Variants in NRXN3 observed in about 807,000 individuals in gnomAD.
The protein encoded by NRXN3 is neurexin III.
NRXN3 carries 32 observed loss-of-function variants against 137.6 expected under a neutral mutation model. The observed-to-expected ratio is 0.23, with a 90% CI of 0.18 to 0.31. NRXN3 has a LOEUF of 0.31. Among genes scored for constraint, NRXN3 ranks in the 10% least tolerant of loss-of-function variants. The pLI is 1.00. For synonymous variants in NRXN3, 798 were observed against 784.5 expected (o/e 1.02, Z -0.29); for missense variants, 1,574 against 2,062.5 (o/e 0.76, Z 4.59).
chr14:79,503,002 T>A (rs1242577050), intron 16 of NRXN3, among the ~76,000 whole-genome samples: 2 of 152,150 alleles, frequency 1.3e-5, no homozygotes, highest in Non-Finnish European at 2.9e-5. Flanking sequence ...CCAAGTGACG[T>A]GGCATTCAGG....
intron 4 of NRXN3, among the ~76,000 whole-genome samples, chr14:78,336,195 C>A (rs535174576): frequency 2.6e-5 from 4 of 152,128 alleles, no homozygotes; most frequent in Non-Finnish European, 5.9e-5. Context: ...CTAGAGACCA[C>A]GCTTTAAAGA....
At chr14:78,171,754 T>G (rs1019023886) in intron 1 of NRXN3, among the ~76,000 whole-genome samples, 1 of 151,684 alleles carries the variant, frequency 6.6e-6, no homozygotes, top group African/African-American at 2.4e-5. Flanking sequence ...AAAATAAAAT[T>G]TTCCCTTCCT....
At chr14:78,278,013 C>A (rs1423191352) in intron 2 of NRXN3, among the ~76,000 whole-genome samples, 1 of 152,184 alleles carries the variant, frequency 6.6e-6, no homozygotes, top group East Asian at 1.9e-4. Flanking sequence ...TACTCACACA[C>A]AATCTCATGC....
chr14:78,896,776 G>A (rs1471543594), intron 10 of NRXN3, among the ~76,000 whole-genome samples: 2 of 151,866 alleles, frequency 1.3e-5, no homozygotes, highest in African/African-American at 2.4e-5. Context: ...GGAACATTAT[G>A]GGCAGAGCAA....
At chr14:78,820,080 A>G (rs1443923650) in intron 10 of NRXN3, among the ~76,000 whole-genome samples, 1 of 151,880 alleles carries the variant, frequency 6.6e-6, no homozygotes, top group African/African-American at 2.4e-5. Context: ...TAACCGTTTG[A>G]CCTCTATGCG....
intron 15 of NRXN3, among the ~76,000 whole-genome samples, chr14:79,220,404 A>G (rs941325718): frequency 1.2e-4 from 19 of 152,318 alleles, no homozygotes; most frequent in African/African-American, 3.4e-4. Flanking sequence ...CCCCATCAGG[A>G]GCATTCCATG....
intron 10 of NRXN3, among the ~76,000 whole-genome samples, chr14:78,920,386 T>A (rs1210581666): frequency 1.3e-5 from 2 of 152,202 alleles, no homozygotes; most frequent in Non-Finnish European, 2.9e-5. Context: ...AAATTTTTAT[T>A]TTAGTTTTAC....
At chr14:78,775,774 A>T (rs2098743072) in intron 8 of NRXN3, among the ~76,000 whole-genome samples, 1 of 152,176 alleles carries the variant, frequency 6.6e-6, no homozygotes, top group Non-Finnish European at 1.5e-5. Flanking sequence ...TGATATCTGT[A>T]TTTTAAAATA....
chr14:79,213,950 C>T (rs1008645741), intron 15 of NRXN3, among the ~76,000 whole-genome samples: 9 of 152,146 alleles, frequency 5.9e-5, no homozygotes, highest in African/African-American at 9.7e-5. Context: ...GTCATACAGA[C>T]GTGTTTTTAT....
At chr14:79,383,362 C>T (rs982889575) in intron 15 of NRXN3, among the ~76,000 whole-genome samples, 2 of 152,142 alleles carry the variant, frequency 1.3e-5, no homozygotes, top group Non-Finnish European at 2.9e-5. Context: ...CAAACCTACA[C>T]ACCCTCTTCT....
Position 79,864,920 on chromosome 14 carries a change from T to G in NRXN3, c.*2956T>G, listed in dbSNP as rs1456047543. 1 of 151,776 alleles carries G rather than the reference T, an allele frequency of 6.6e-6. No individual in the cohort carries two copies. Among genetic ancestry groups the G allele is most frequent in the African/African-American group, 2.4e-5 (1 of 41,236 alleles). 9.4% of individuals were successfully genotyped at this position (151,776 alleles called of 1,614,324 possible). A position where few individuals can be genotyped will look rare whatever the true frequency, so the allele number is the denominator to read the frequency against. The stretch of plus-strand genomic sequence containing the variant: ...GTGCCCGCCACCACGCCCGGCTAAT[T>G]TTTTGTATTTTTCGTAGAGACGGGG... On this transcript the variant is annotated 3_prime_UTR_variant, in exon 21 of 21. Coordinates refer to ENST00000335750, the MANE Select transcript of NRXN3 (RefSeq NM_001330195.2).
At chr14:78,432,440 C>T (rs1211833414) in intron 4 of NRXN3, among the ~76,000 whole-genome samples, 2 of 152,106 alleles carry the variant, frequency 1.3e-5, no homozygotes, top group Non-Finnish European at 2.9e-5. Context: ...TCAAGCTGTT[C>T]AGCATTGGCT....
intron 16 of NRXN3, among the ~76,000 whole-genome samples, chr14:79,639,564 G>GTGAAGGGT (rs1284508475): frequency 1.9e-4 from 29 of 152,156 alleles, no homozygotes; most frequent in African/African-American, 6.7e-4. Context: ...AATGAATTCA[G>GTGAAGGGT]TGAAGGGTTG....
rs188112624 is a variant in NRXN3, at chr14:79,540,286, G to A, written c.3444+72884G>A. Among the ~76,000 whole-genome samples the A allele has an allele frequency of 3.9e-3, 336 of 86,374 alleles. 13 individuals are homozygous for A. Among genetic ancestry groups the A allele is most frequent in the Admixed American group, 0.032 (335 of 10,398 alleles). 56.7% of individuals were successfully genotyped at this position (86,374 alleles called of 152,430 possible). On this transcript the variant is annotated intron_variant, in intron 16 of 20. Transcript: ENST00000335750. The stretch of plus-strand genomic sequence containing the variant: ...ATTATGCATATAAATATTTTCTTAA[G>A]TTTTGTTTTTAATTAACACATAATA...
chr14:78,345,490 C>T (rs574195706), intron 4 of NRXN3, among the ~76,000 whole-genome samples: 1 of 152,280 alleles, frequency 6.6e-6, no homozygotes, highest in Admixed American at 6.5e-5. Flanking sequence ...TAAGTGGTAG[C>T]AGCTGCAGAA....
chr14:79,466,048 T>C (rs541167441), intron 15 of NRXN3, among the ~76,000 whole-genome samples: 1 of 152,340 alleles, frequency 6.6e-6, no homozygotes, highest in African/African-American at 2.4e-5. Flanking sequence ...TAAATTAATA[T>C]ATTCTTAGTA....
intron 16 of NRXN3, among the ~76,000 whole-genome samples, chr14:79,630,764 A>G (rs896052295): frequency 6.6e-6 from 1 of 152,224 alleles, no homozygotes; most frequent in Admixed American, 6.5e-5. Context: ...TAAAAAATTT[A>G]GACCAGAGGC....
intron 15 of NRXN3, among the ~76,000 whole-genome samples, chr14:79,385,929 A>C (rs528832947): frequency 6.6e-6 from 1 of 152,232 alleles, no homozygotes; most frequent in Admixed American, 6.5e-5. Flanking sequence ...AAACTCAATA[A>C]ATTAGGTATT....
intron 15 of NRXN3, among the ~76,000 whole-genome samples, chr14:79,151,953 A>G (rs562818821): frequency 3.6e-4 from 55 of 152,212 alleles, no homozygotes; most frequent in African/African-American, 1.3e-3. Context: ...TGGCAAGTAA[A>G]GAAAATAAAA....
Sources: gnomAD v4.1 joint callset for allele counts (sites outside exome capture counted in the v4.1 genomes callset) on GRCh38, gnomAD v4.1.1 for gene constraint, MANE v1.5 for transcripts, NCBI Gene and HGNC (gene_info 2026-07-23, HGNC 2026-07-21) for gene names.